The following WDR33 variants were observed in gnomAD, a reference collection of about 807,000 sequenced individuals.
The protein encoded by WDR33 is pre-mRNA 3' end processing protein WDR33.
A neutral mutation model predicts 164.9 loss-of-function variants in WDR33; 47 were observed. The ratio of observed to expected loss-of-function variants is 0.29; its 90% CI spans 0.23 to 0.36. The LOEUF (loss-of-function observed/expected upper bound fraction) is 0.36, where lower values mean the gene tolerates loss of function less well. Ranked by LOEUF, WDR33 falls within the 10% of genes least tolerant of loss-of-function variation. The probability of loss-of-function intolerance (pLI) is 1.00; values close to 1 mark genes in which losing one functional copy is unlikely to be tolerated. For synonymous variants in WDR33, 505 were observed against 589.0 expected (o/e 0.86, Z 2.06); for missense variants, 1,137 against 1,754.1 (o/e 0.65, Z 6.28).
At position 127,722,093 on chromosome 2, in the gene WDR33, C is replaced by A; in HGVS notation, c.1519-105G>T. 1 of 1,311,220 alleles carries A rather than the reference C, an allele frequency of 7.6e-7. No individual in the cohort carries two copies. The allele number at this position is 1,311,220 out of a possible 1,614,324, so 81.2% of individuals were successfully genotyped here. A position where few individuals can be genotyped will look rare whatever the true frequency, so the allele number is the denominator to read the frequency against. On this transcript the variant is annotated intron_variant, in intron 14 of 21. Coordinates refer to ENST00000322313, the MANE Select transcript of WDR33 (RefSeq NM_018383.5). The surrounding 1 kb of genome is among the most constrained non-coding windows in gnomAD (Gnocchi z 5.1). ...TCATCTGCTCAATCTAACCTCTGAA[C>A]CGATTTTATTTCTTTTTACCTTTTC...
intron 1 of WDR33, among the ~76,000 whole-genome samples, chr2:127,788,484 A>C (rs1221664928): frequency 1.6e-4 from 12 of 77,386 alleles, no homozygotes; most frequent in Admixed American, 2.7e-4. Context: ...TGACACCCCC[A>C]CCTCCCTCCC....
chr2:127,743,237 T>G (rs1020359841), intron 7 of WDR33, among the ~76,000 whole-genome samples: 8 of 152,190 alleles, frequency 5.3e-5, no homozygotes, highest in African/African-American at 1.9e-4. Flanking sequence ...ATTAAAAACC[T>G]AAAAATTTGC....
Position 127,719,261 on chromosome 2 carries a change from A to G in WDR33, c.2760+4T>C. 7.0e-7 allele frequency: 1 copy of G among 1,425,068 alleles called. No individual in the cohort carries two copies. Among genetic ancestry groups the G allele is most frequent in the Non-Finnish European group, 9.2e-7 (1 of 1,089,296 alleles). The allele number at this position is 1,425,068 out of a possible 1,614,324, so 88.3% of individuals were successfully genotyped here. A position where few individuals can be genotyped will look rare whatever the true frequency, so the allele number is the denominator to read the frequency against. ...TGTGCCCGTGAGTTGGAAATGAATAATACCTGGTTGAAGGGGGCCCGGGGC... is the reference window on the plus strand; with the variant it reads ...TGTGCCCGTGAGTTGGAAATGAATAGTACCTGGTTGAAGGGGGCCCGGGGC... On this transcript the variant is annotated splice_donor_region_variant and intron_variant, in intron 16 of 21. Coordinates refer to ENST00000322313, the MANE Select transcript of WDR33 (RefSeq NM_018383.5). The surrounding 1 kb of genome is among the most constrained non-coding windows in gnomAD (Gnocchi z 6.5).
rs1171969941 is a variant in WDR33 at position 127,764,007 on chromosome 2, T to G, written c.626+821A>C. 1 of 986,134 alleles carries G rather than the reference T, an allele frequency of 1.0e-6. No homozygotes were observed. Among genetic ancestry groups the G allele is most frequent in the African/African-American group, 1.7e-5 (1 of 57,374 alleles). The allele number at this position is 986,134 out of a possible 1,614,324, so 61.1% of individuals were successfully genotyped here. On this transcript the variant is annotated intron_variant, in intron 6 of 21. Transcript: ENST00000322313. This position sits in a 1 kb window ranked among gnomAD's most constrained non-coding sequence, Gnocchi z 6.2. ...ATGACTACAGTGGATGATGTTTCCA[T>G]AAAGATGTCAACCTCCTCCCACACA...
chr2:127,724,292 T>A lies in WDR33; in HGVS notation c.1196+41A>T. 1 of 1,466,250 alleles carries A rather than the reference T, an allele frequency of 6.8e-7. No individual in the cohort carries two copies. The highest frequency in any genetic ancestry group is 2.3e-5 in the East Asian group (1 of 44,056). The allele number at this position is 1,466,250 out of a possible 1,614,324, so 90.8% of individuals were successfully genotyped here. A position where few individuals can be genotyped will look rare whatever the true frequency, so the allele number is the denominator to read the frequency against. The stretch of plus-strand genomic sequence containing the variant: ...AAACACATACAGTATTTATTTCCTG[T>A]TGCTCCATATAAAGCTTTGCTATTT... On this transcript the variant is annotated intron_variant, in intron 11 of 21. Transcript: ENST00000322313. The surrounding 1 kb of genome is among the most constrained non-coding windows in gnomAD (Gnocchi z 4.8).
At chr2:127,752,000 G>A (rs1687379794) in intron 7 of WDR33, among the ~76,000 whole-genome samples, 1 of 152,174 alleles carries the variant, frequency 6.6e-6, no homozygotes, top group Non-Finnish European at 1.5e-5. Flanking sequence ...TTCACGGGGT[G>A]GACGCAGAGG....
At chr2:127,766,643 CAAAAAGGTTTTCCATGCT>C (rs1687830079) in intron 4 of WDR33, among the ~76,000 whole-genome samples, 1 of 152,020 alleles carries the variant, frequency 6.6e-6, no homozygotes, top group Non-Finnish European at 1.5e-5. Context: ...TTATTCTTTT[CAAAAAGGTTTTCCATGCT>C]ATGCTAAGAG....
intron 7 of WDR33, among the ~76,000 whole-genome samples, chr2:127,734,308 T>C (rs776524159): frequency 6.6e-6 from 1 of 152,174 alleles, no homozygotes; most frequent in African/African-American, 2.4e-5. Context: ...AACAGTGAGT[T>C]TGCATCATTC....
chr2:127,793,758 C>T (rs546430101), intron 1 of WDR33, among the ~76,000 whole-genome samples: 1 of 151,654 alleles, frequency 6.6e-6, no homozygotes, highest in South Asian at 2.1e-4. Context: ...TGAAAACAAA[C>T]AAAAAGACTC....
intron 7 of WDR33, among the ~76,000 whole-genome samples, chr2:127,747,861 T>G (rs962052776): frequency 4.6e-5 from 7 of 152,224 alleles, no homozygotes; most frequent in African/African-American, 1.7e-4. Flanking sequence ...ACTAATCTGA[T>G]GTTCAAGCTA....
rs1427506579 is a variant in WDR33 at position 127,706,634 on chromosome 2, G to A, written c.3782-82C>T. 7 of 1,280,434 alleles carry A rather than the reference G, an allele frequency of 5.5e-6. No individual in the cohort carries two copies. In the African/African-American group the frequency reaches 1.0e-4, roughly 19 times the overall value. 79.3% of individuals were successfully genotyped at this position (1,280,434 alleles called of 1,614,324 possible). A position where few individuals can be genotyped will look rare whatever the true frequency, so the allele number is the denominator to read the frequency against. On this transcript the variant is annotated intron_variant, in intron 21 of 21. Coordinates refer to ENST00000322313, the MANE Select transcript of WDR33 (RefSeq NM_018383.5). The surrounding 1 kb of genome is among the most constrained non-coding windows in gnomAD (Gnocchi z 5.1). The stretch of plus-strand genomic sequence containing the variant: ...ACTCCCAGTACAAACTTTACTCTCT[G>A]ATGACAATGGACCAGTTCTGGTGGG...
Position 127,774,970 on chromosome 2 carries a change from C to A in WDR33, c.-23-3966G>T, listed in dbSNP as rs191442675. 1.8e-4 allele frequency among the ~76,000 whole-genome samples: 27 copies of A among 152,184 alleles called. No individual in the cohort carries two copies. In the East Asian group the frequency reaches 5.0e-3, roughly 28 times the overall value. Reference sequence around the variant, plus strand: ...AAAGCTAAAAGATTAGTGTTTGCCACGGGCTGGGGAATGAGAGGAATGGAG... The same window carrying A: ...AAAGCTAAAAGATTAGTGTTTGCCAAGGGCTGGGGAATGAGAGGAATGGAG... On this transcript the variant is annotated intron_variant, in intron 1 of 21. Coordinates refer to ENST00000322313, the MANE Select transcript of WDR33 (RefSeq NM_018383.5).
chr2:127,778,766 A>C (rs1365806306), intron 1 of WDR33, among the ~76,000 whole-genome samples: 1 of 152,196 alleles, frequency 6.6e-6, no homozygotes, highest in Non-Finnish European at 1.5e-5. Flanking sequence ...AAAAAAGTAA[A>C]TAAAGCTCTC....
chr2:127,719,859 C>T lies in WDR33; in HGVS notation c.2166G>A (p.Pro722=), dbSNP rs764039105. The T allele has an allele frequency of 4.3e-5, 69 of 1,613,280 alleles. No homozygotes were observed. The highest frequency in any genetic ancestry group is 1.2e-4 in the South Asian group (11 of 91,074). ...GGCCCAAGTGACCCTGAGGGCCAGG[C>T]GGGCCTTGGGGGCCTATGTGACCCT... ...GPQGHIGPQG[P]PGPQGHLGPQ... Residue 722 remains proline (P), a synonymous_variant, in exon 16 of 22, where the codon CCG becomes CCA. Transcript: ENST00000322313. The surrounding 1 kb of genome is among the most constrained non-coding windows in gnomAD (Gnocchi z 6.5).
chr2:127,770,620 G>A lies in WDR33; in HGVS notation c.204+158C>T, dbSNP rs1282184167. 6.6e-6 allele frequency among the ~76,000 whole-genome samples: 1 copy of A among 151,976 alleles called. No individual in the cohort carries two copies. The highest frequency in any genetic ancestry group is 6.6e-5 in the Admixed American group (1 of 15,236). ...GCAGGAGAATCACTTGAACCCGGGA[G>A]GCAGAGGTTGCAGTGAGCCAAAACC... On this transcript the variant is annotated intron_variant, in intron 2 of 21. Transcript: ENST00000322313. The surrounding 1 kb of genome is among the most constrained non-coding windows in gnomAD (Gnocchi z 4.9).
At chr2:127,779,084 G>T (rs1462262122) in intron 1 of WDR33, among the ~76,000 whole-genome samples, 1 of 151,856 alleles carries the variant, frequency 6.6e-6, no homozygotes, top group Admixed American at 6.6e-5. Context: ...AGCCTAAAGC[G>T]GTGCTTTTTC....
At chr2:127,799,546 G>A (rs967123519) in intron 1 of WDR33, among the ~76,000 whole-genome samples, 1 of 152,134 alleles carries the variant, frequency 6.6e-6, no homozygotes. Context: ...TGTAATCCCA[G>A]CACTTTGGGA....
chr2:127,706,597 T>A lies in WDR33; in HGVS notation c.3782-45A>T. On this transcript the variant is annotated intron_variant, in intron 21 of 21. Transcript: ENST00000322313. The surrounding 1 kb of genome is among the most constrained non-coding windows in gnomAD (Gnocchi z 5.1). ...ACATGGGACTTTTTGTATTAGCAAC[T>A]GTTTGTCAGTAACTCCCAGTACAAA... The A allele has an allele frequency of 1.3e-6, 2 of 1,540,628 alleles. No individual in the cohort carries two copies. Among genetic ancestry groups the A allele is most frequent in the Non-Finnish European group, 1.8e-6 (2 of 1,131,520 alleles).
Position 127,763,905 on chromosome 2 carries a change from T to G in WDR33, c.627-746A>C. 1.0e-6 allele frequency: 1 copy of G among 985,772 alleles called. No individual in the cohort carries two copies. The highest frequency in any genetic ancestry group is 1.2e-6 in the Non-Finnish European group (1 of 830,196). The allele number at this position is 985,772 out of a possible 1,614,324, so 61.1% of individuals were successfully genotyped here. On this transcript the variant is annotated intron_variant, in intron 6 of 21. Coordinates refer to ENST00000322313, the MANE Select transcript of WDR33 (RefSeq NM_018383.5). This position sits in a 1 kb window ranked among gnomAD's most constrained non-coding sequence, Gnocchi z 4.5. ...GCTGTGTAAACTCAATGTATGGGCA[T>G]GACACTAAGGCAAAATCTACAAAGC...
Sources: allele counts gnomAD v4.1 joint callset (sites outside exome capture counted in the v4.1 genomes callset), GRCh38; gene constraint gnomAD v4.1.1; non-coding constraint Gnocchi (gnomAD v3.1); transcripts MANE v1.5; gene names NCBI Gene and HGNC (gene_info 2026-07-23, HGNC 2026-07-21).